The following LRMDA variants were observed in gnomAD, a reference collection of about 807,000 sequenced individuals.
LRMDA encodes leucine rich melanocyte differentiation associated.
A neutral mutation model predicts 29.8 loss-of-function variants in LRMDA; 18 were observed. That is an observed-to-expected ratio of 0.60 (90% CI 0.42 to 0.90). LRMDA has a LOEUF of 0.90. Among genes scored for constraint, LRMDA ranks in the 40% least tolerant of loss-of-function variants. The pLI is 0.00. For synonymous variants in LRMDA, 125 were observed against 109.4 expected, an observed-to-expected ratio of 1.14 and a Z score of -0.89; for missense variants, 273 against 273.9, an observed-to-expected ratio of 1.00 and a Z score of 0.02.
At chr10:75,753,475 TGAG>T (rs1299461617) in intron 2 of LRMDA, among the ~76,000 whole-genome samples, 1 of 151,946 alleles carries the variant, frequency 6.6e-6, no homozygotes, top group African/African-American at 2.4e-5. Context: ...AGCTGAATGG[TGAG>T]GAGGCAGCTG....
At chr10:76,471,527 TG>T (rs1229031584) in intron 6 of LRMDA, among the ~76,000 whole-genome samples, 2 of 151,488 alleles carry the variant, frequency 1.3e-5, no homozygotes, top group Non-Finnish European at 3.0e-5. Context: ...CAAACACACA[TG>T]GGGCATATAG....
intron 2 of LRMDA, among the ~76,000 whole-genome samples, chr10:75,688,177 T>G (rs532616188): frequency 6.6e-6 from 1 of 152,354 alleles, no homozygotes; most frequent in East Asian, 1.9e-4. Flanking sequence ...AGAAATATAT[T>G]TTGTAAGGCT....
rs1433404593 is a variant in LRMDA, at chr10:76,558,653, A to G, written c.*1365A>G. 6.6e-6 allele frequency: 1 copy of G among 152,208 alleles called. No individual in the cohort carries two copies. Among genetic ancestry groups the G allele is most frequent in the Non-Finnish European group, 1.5e-5 (1 of 68,046 alleles). The allele number at this position is 152,208 out of a possible 1,614,324, so 9.4% of individuals were successfully genotyped here. On this transcript the variant is annotated 3_prime_UTR_variant, in exon 7 of 7. Coordinates refer to ENST00000611255, the MANE Select transcript of LRMDA (RefSeq NM_001305581.2). ...TGATGACAGCAAAACCTGAAAGAGAATCCCTCCAAGTTATAGATACTGAGG... is the reference window on the plus strand; with the variant it reads ...TGATGACAGCAAAACCTGAAAGAGAGTCCCTCCAAGTTATAGATACTGAGG...
At chr10:76,215,687 T>C (rs1388703857) in intron 5 of LRMDA, among the ~76,000 whole-genome samples, 1 of 152,252 alleles carries the variant, frequency 6.6e-6, no homozygotes, top group Non-Finnish European at 1.5e-5. Flanking sequence ...CCAATTCTAC[T>C]TAACCACGTT....
intron 6 of LRMDA, among the ~76,000 whole-genome samples, chr10:76,460,530 G>T (rs371913993): frequency 6.6e-6 from 1 of 152,160 alleles, no homozygotes; most frequent in South Asian, 2.1e-4. Context: ...ATCACATATC[G>T]TGAATGCCTC....
At chr10:76,016,547 C>T (rs1309357897) in intron 2 of LRMDA, among the ~76,000 whole-genome samples, 1 of 152,112 alleles carries the variant, frequency 6.6e-6, no homozygotes, top group Non-Finnish European at 1.5e-5. Context: ...CTGTAACATC[C>T]TGATTTTGTG....
intron 6 of LRMDA, among the ~76,000 whole-genome samples, chr10:76,363,864 A>C (rs1463143445): frequency 6.6e-6 from 1 of 152,184 alleles, no homozygotes; most frequent in Non-Finnish European, 1.5e-5. Context: ...ACAAGGAGTG[A>C]AATGTCAGCA....
At chr10:76,497,854 C>T (rs997194585) in intron 6 of LRMDA, among the ~76,000 whole-genome samples, 1 of 75,476 alleles carries the variant, frequency 1.3e-5, no homozygotes, top group African/African-American at 3.2e-5. Flanking sequence ...TCCTTCCTGT[C>T]TAAATTTTTA....
chr10:75,592,514 C>T (rs902962835), intron 2 of LRMDA, among the ~76,000 whole-genome samples: 1 of 152,158 alleles, frequency 6.6e-6, no homozygotes, highest in Non-Finnish European at 1.5e-5. Flanking sequence ...GGCATCGGGA[C>T]GGCGGAGGCG....
intron 6 of LRMDA, among the ~76,000 whole-genome samples, chr10:76,451,957 C>T (rs572909462): frequency 5.9e-5 from 9 of 152,196 alleles, no homozygotes; most frequent in South Asian, 4.1e-4. Context: ...ATGCCTGGCC[C>T]GATGCTTTGT....
At chr10:76,081,335 G>A (rs1413303093) in intron 5 of LRMDA, among the ~76,000 whole-genome samples, 1 of 152,132 alleles carries the variant, frequency 6.6e-6, no homozygotes, top group Non-Finnish European at 1.5e-5. Flanking sequence ...TTAGCCGGGT[G>A]TGGTGGTGCC....
chr10:76,187,451 T>C (rs1310016892), intron 5 of LRMDA, among the ~76,000 whole-genome samples: 2 of 151,948 alleles, frequency 1.3e-5, no homozygotes, highest in African/African-American at 2.4e-5. Context: ...AGGGGAAAAA[T>C]AGTGGAGTCA....
chr10:76,324,514 G>A, intron 6 of LRMDA, 29 bp downstream of exon 6: 1 of 1,597,572 alleles, frequency 6.3e-7, no homozygotes, highest in East Asian at 2.2e-5. Context: ...ATTGCTCTCA[G>A]TGGGTGCAGG....
rs185913660 is a variant in LRMDA, at chr10:75,545,258, A to C, written c.131+106764A>C. On this transcript the variant is annotated intron_variant, in intron 2 of 6. Transcript: ENST00000611255. ...ACATATAGAAATGAGATCTTGGTAA[A>C]AGTCCATCAATTAAGTCAGAAACTA... Among the ~76,000 whole-genome samples the C allele has an allele frequency of 9.2e-5, 14 of 152,236 alleles. No individual in the cohort carries two copies. In the East Asian group the frequency reaches 1.9e-3, roughly 21 times the overall value.
At chr10:75,802,532 T>A (rs933460087) in intron 2 of LRMDA, among the ~76,000 whole-genome samples, 5 of 152,166 alleles carry the variant, frequency 3.3e-5, no homozygotes, top group Non-Finnish European at 5.9e-5. Flanking sequence ...TGCCGTTCTG[T>A]CCTTGGACTG....
intron 2 of LRMDA, among the ~76,000 whole-genome samples, chr10:75,697,308 T>C (rs1842247360): frequency 7.0e-6 from 1 of 142,080 alleles, no homozygotes; most frequent in Non-Finnish European, 1.5e-5. Context: ...ACATTTCTAC[T>C]GGTTTATTTT....
At chr10:75,634,609 C>T (rs1841368274) in intron 2 of LRMDA, among the ~76,000 whole-genome samples, 1 of 152,160 alleles carries the variant, frequency 6.6e-6, no homozygotes, top group South Asian at 2.1e-4. Flanking sequence ...GCAATCCCTG[C>T]CTCAGCTAAT....
intron 4 of LRMDA, among the ~76,000 whole-genome samples, chr10:76,056,609 AG>A (rs1848618653): frequency 6.6e-6 from 1 of 152,196 alleles, no homozygotes; most frequent in African/African-American, 2.4e-5. Context: ...CTGAGGTGGC[AG>A]GGGGCTGGTG....
intron 2 of LRMDA, among the ~76,000 whole-genome samples, chr10:75,449,502 G>T (rs558448636): frequency 6.7e-6 from 1 of 149,054 alleles, no homozygotes; most frequent in African/African-American, 2.5e-5. Flanking sequence ...TTTACTTTTG[G>T]GTGGGGATTG....
Sources: gnomAD v4.1 joint callset for allele counts (sites outside exome capture counted in the v4.1 genomes callset) on GRCh38, gnomAD v4.1.1 for gene constraint, MANE v1.5 for transcripts, NCBI Gene and HGNC (gene_info 2026-07-23, HGNC 2026-07-21) for gene names.